Variants in FAM149B1 observed in about 807,000 individuals in gnomAD.
FAM149B1 encodes the protein primary cilium assembly protein FAM149B1.
A neutral mutation model predicts 75.3 loss-of-function variants in FAM149B1; 56 were observed. The observed-to-expected ratio is 0.74, with a 90% CI of 0.60 to 0.93. The LOEUF (loss-of-function observed/expected upper bound fraction) is 0.93, where lower values mean the gene tolerates loss of function less well. Ranked by LOEUF, FAM149B1 falls within the 40% of genes least tolerant of loss-of-function variation. The pLI, the probability that FAM149B1 is intolerant of heterozygous loss-of-function variation, is 0.00. For missense variants in FAM149B1, 639 were observed against 708.4 expected (o/e 0.90, Z 1.11); for synonymous variants, 259 against 256.1 (o/e 1.01, Z -0.11).
chr10:73,228,066 A>G lies in FAM149B1; in HGVS notation c.905A>G (p.Glu302Gly). Residue 302 changes from glutamate to glycine, a missense_variant, in exon 8 of 14, where the codon GAG (glutamate) becomes GGG (glycine). Glu to Gly is a moderately conservative substitution (Grantham distance 98). Coordinates refer to ENST00000242505, the MANE Select transcript of FAM149B1 (RefSeq NM_173348.2). ...ATCCTGTTCCTTTGCCCAGATGATG[A>G]GAGTAATGTTGCAGTTACCAGACCC... ...SHWEGFASDD[E>G]SNVAVTRPDS... 6.4e-7 allele frequency: 1 copy of G among 1,551,658 alleles called. No homozygotes were observed. The highest frequency in any genetic ancestry group is 8.7e-7 in the Non-Finnish European group (1 of 1,146,850).
chr10:73,225,020 G>A (rs1394099972), intron 7 of FAM149B1, among the ~76,000 whole-genome samples: 1 of 152,136 alleles, frequency 6.6e-6, no homozygotes, highest in African/African-American at 2.4e-5. Context: ...TGTAGTTGTC[G>A]TAAAGTCAAA....
At position 73,208,666 on chromosome 10, in the gene FAM149B1, A is replaced by T. The variant is rs2043120607; in HGVS notation, c.590A>T (p.His197Leu). The T allele has an allele frequency of 6.5e-7, 1 of 1,548,380 alleles. No individual in the cohort carries two copies. The highest frequency in any genetic ancestry group is 8.7e-7 in the Non-Finnish European group (1 of 1,144,866). Residue 197 changes from histidine (H) to leucine (L), a missense_variant, in exon 6 of 14, where the codon CAT becomes CTT. His to Leu is a moderately conservative substitution (Grantham distance 99). Transcript: ENST00000242505. ...TTACATTTTTCATCTTCTTATGCTC[A>T]TAAAGCATCTTCCATTGCCAAATCC... is the stretch of plus-strand genomic sequence containing the variant. ...KKLHFSSSYA[H>L]KASSIAKSSS... is the part of the protein sequence containing the mutation.
At chr10:73,208,585 A>G in intron 5 of FAM149B1, 34 bp from the exon 6 acceptor site, 2 of 1,414,452 alleles carry the variant, frequency 1.4e-6, no homozygotes, top group South Asian at 1.4e-5. Flanking sequence ...TTATGTTTAC[A>G]TAATTAATAT....
At chr10:73,207,297 C>T (rs886300642) in intron 5 of FAM149B1, among the ~76,000 whole-genome samples, 5 of 151,938 alleles carry the variant, frequency 3.3e-5, no homozygotes, top group Admixed American at 6.5e-5. Flanking sequence ...GGTGCAGTGG[C>T]TCATGCCTGT....
intron 8 of FAM149B1, among the ~76,000 whole-genome samples, 153 bp downstream of exon 8, chr10:73,228,337 GGTTT>G (rs561856288): frequency 6.0e-4 from 92 of 152,216 alleles, no homozygotes; most frequent in Middle Eastern, 6.8e-3. Flanking sequence ...TCTTCGCATT[GGTTT>G]GTTTAAAATA....
At chr10:73,240,467 CT>C (rs1483685189) in intron 13 of FAM149B1, among the ~76,000 whole-genome samples, 2 of 152,090 alleles carry the variant, frequency 1.3e-5, no homozygotes, top group Non-Finnish European at 2.9e-5. Flanking sequence ...AATCCCAGCA[CT>C]TTCGGAGGCC....
chr10:73,189,599 G>C (rs143488935), intron 3 of FAM149B1, among the ~76,000 whole-genome samples: 82 of 152,304 alleles, frequency 5.4e-4, no homozygotes, highest in African/African-American at 2.0e-3. Context: ...GCAATAACAT[G>C]AATGAACCTC....
chr10:73,215,010 T>A (rs2043264976), intron 7 of FAM149B1, among the ~76,000 whole-genome samples: 1 of 152,054 alleles, frequency 6.6e-6, no homozygotes, highest in East Asian at 1.9e-4. Flanking sequence ...TGTTGTTTGT[T>A]TTTCAGTTTT....
chr10:73,223,760 G>A (rs2043471979), intron 7 of FAM149B1, among the ~76,000 whole-genome samples: 1 of 150,696 alleles, frequency 6.6e-6, no homozygotes, highest in Non-Finnish European at 1.5e-5. Flanking sequence ...GCTTGTATTA[G>A]AGAATAGGAC....
intron 1 of FAM149B1, among the ~76,000 whole-genome samples, chr10:73,170,262 G>A (rs1411029711): frequency 1.3e-5 from 2 of 152,040 alleles, no homozygotes; most frequent in East Asian, 3.9e-4. Flanking sequence ...CTAGCACTTT[G>A]GGAGGCCAAG....
chr10:73,214,454 T>C (rs1230602396), intron 7 of FAM149B1, among the ~76,000 whole-genome samples: 1 of 152,242 alleles, frequency 6.6e-6, no homozygotes, highest in Non-Finnish European at 1.5e-5. Context: ...TTATGGCCTT[T>C]ATTATGTTGA....
chr10:73,216,819 C>A (rs1196862267), intron 7 of FAM149B1, among the ~76,000 whole-genome samples: 1 of 152,156 alleles, frequency 6.6e-6, no homozygotes, highest in Non-Finnish European at 1.5e-5. Flanking sequence ...GAGGGTAGAG[C>A]CCCTCAAACT....
At chr10:73,237,236 G>A (rs1320641577) in intron 12 of FAM149B1, among the ~76,000 whole-genome samples, 1 of 152,148 alleles carries the variant, frequency 6.6e-6, no homozygotes, top group Non-Finnish European at 1.5e-5. Context: ...GACCCCACGA[G>A]GCTGACTTAG....
At chr10:73,186,661 C>T (rs142443253) in intron 3 of FAM149B1, among the ~76,000 whole-genome samples, 71 of 152,212 alleles carry the variant, frequency 4.7e-4, no homozygotes, top group African/African-American at 1.6e-3. Context: ...GAACAATTTA[C>T]AAAAATATGG....
At chr10:73,206,856 G>A (rs6480680) in intron 5 of FAM149B1, among the ~76,000 whole-genome samples, 23,460 of 152,060 alleles carry the variant, frequency 0.15, 2,976 homozygotes, top group African/African-American at 0.32. Context: ...TGGAGGTTGC[G>A]GTGAGCTGAG....
chr10:73,189,103 A>C (rs1034953014), intron 3 of FAM149B1, among the ~76,000 whole-genome samples: 1 of 152,186 alleles, frequency 6.6e-6, no homozygotes, highest in African/African-American at 2.4e-5. Flanking sequence ...ATTCCATGAA[A>C]GAAAAAGACA....
intron 7 of FAM149B1, among the ~76,000 whole-genome samples, chr10:73,224,086 A>G (rs1267537290): frequency 2.0e-5 from 3 of 152,214 alleles, no homozygotes; most frequent in African/African-American, 7.2e-5. Flanking sequence ...ACAAGACATC[A>G]TGAAATGGAG....
intron 1 of FAM149B1, among the ~76,000 whole-genome samples, chr10:73,171,952 T>G (rs1843736931): frequency 6.6e-6 from 1 of 152,176 alleles, no homozygotes; most frequent in Admixed American, 6.5e-5. Context: ...TTAACTTCTC[T>G]GCACCTCTCT....
intron 2 of FAM149B1, among the ~76,000 whole-genome samples, chr10:73,175,106 C>G (rs1843889866): frequency 6.6e-6 from 1 of 152,166 alleles, no homozygotes; most frequent in Non-Finnish European, 1.5e-5. Flanking sequence ...TACTTACAAT[C>G]CCAGCACTAT....
Sources: allele counts gnomAD v4.1 joint callset (sites outside exome capture counted in the v4.1 genomes callset), GRCh38; gene constraint gnomAD v4.1.1; transcripts MANE v1.5; gene names NCBI Gene and HGNC (gene_info 2026-07-23, HGNC 2026-07-21).